SMC3: variants seen among roughly 807,000 people sequenced by gnomAD.
SMC3 encodes structural maintenance of chromosomes protein 3.
SMC3 carries 20 observed loss-of-function variants against 171.8 expected under a neutral mutation model. The observed-to-expected ratio is 0.12, with a 90% CI of 0.08 to 0.17. The LOEUF (loss-of-function observed/expected upper bound fraction) is 0.17, where lower values mean the gene tolerates loss of function less well. Among genes scored for constraint, SMC3 ranks in the 10% least tolerant of loss-of-function variants. The pLI, the probability that SMC3 is intolerant of heterozygous loss-of-function variation, is 1.00. For missense variants in SMC3, 543 were observed against 1,420.4 expected (o/e 0.38, Z 9.93); for synonymous variants, 464 against 451.1 (o/e 1.03, Z -0.36).
rs1255386055 is a variant in SMC3, at chr10:110,604,580, A to G, written c.*278A>G. On this transcript the variant is annotated 3_prime_UTR_variant, in exon 29 of 29. Transcript: ENST00000361804. ...CTAAATATTCTTTCCTAATTATTTT[A>G]TCACTTATACTACCTTTTTTATAGC... is the stretch of plus-strand genomic sequence containing the variant. 2.6e-6 allele frequency: 1 copy of G among 378,964 alleles called. No homozygotes were observed. The highest frequency in any genetic ancestry group is 4.9e-6 in the Non-Finnish European group (1 of 205,124). The allele number at this position is 378,964 out of a possible 1,614,324, so 23.5% of individuals were successfully genotyped here.
intron 22 of SMC3, 77 bp downstream of exon 22, chr10:110,600,623 C>A: frequency 2.5e-6 from 2 of 800,244 alleles, no homozygotes; most frequent in Non-Finnish European, 4.4e-6. Flanking sequence ...ATATCAGAGG[C>A]TCTGATTGAA....
chr10:110,598,659 C>A (rs1861338106), intron 20 of SMC3, among the ~76,000 whole-genome samples: 1 of 152,074 alleles, frequency 6.6e-6, no homozygotes, highest in African/African-American at 2.4e-5. Flanking sequence ...ACCTGCCTTG[C>A]CCTCCCGAAG....
intron 17 of SMC3, among the ~76,000 whole-genome samples, chr10:110,592,468 C>A (rs551951728): frequency 1.1e-4 from 17 of 152,122 alleles, no homozygotes; most frequent in Non-Finnish European, 2.1e-4. Flanking sequence ...GAATACTTAA[C>A]TACATTTTTC....
At chr10:110,591,699 A>G (rs751463924) in intron 17 of SMC3, among the ~76,000 whole-genome samples, 8 of 152,200 alleles carry the variant, frequency 5.3e-5, no homozygotes, top group Non-Finnish European at 1.2e-4. Flanking sequence ...AATTGCTTTG[A>G]GGTACTTGAC....
chr10:110,594,801 T>G (rs1861271325), intron 18 of SMC3, among the ~76,000 whole-genome samples: 1 of 151,910 alleles, frequency 6.6e-6, no homozygotes, highest in Non-Finnish European at 1.5e-5. Flanking sequence ...TCATGTCATC[T>G]CTAAAATTTA....
At chr10:110,587,032 A>T (rs1412290524) in intron 13 of SMC3, among the ~76,000 whole-genome samples, 2 of 152,178 alleles carry the variant, frequency 1.3e-5, no homozygotes, top group African/African-American at 4.8e-5. Context: ...GCAGTATGAA[A>T]AATAAAATGT....
chr10:110,578,229 A>G (rs1860981936), intron 6 of SMC3, among the ~76,000 whole-genome samples: 1 of 151,668 alleles, frequency 6.6e-6, no homozygotes, highest in Non-Finnish European at 1.5e-5. Flanking sequence ...AGTCACCACC[A>G]CACCCGGCTA....
chr10:110,575,232 T>G, intron 3 of SMC3, 104 bp from the exon 4 acceptor site: 1 of 810,926 alleles, frequency 1.2e-6, no homozygotes, highest in Non-Finnish European at 2.1e-6. Flanking sequence ...TTTATTTGCA[T>G]TGTCTATTAC....
chr10:110,589,531 A>G (rs1861176019), intron 13 of SMC3, 74 bp from the exon 14 acceptor site: 1 of 982,344 alleles, frequency 1.0e-6, no homozygotes, highest in African/African-American at 1.6e-5. Flanking sequence ...TCCATCTGCA[A>G]CCACTGATCT....
chr10:110,573,370 A>G (rs112286055), intron 2 of SMC3, among the ~76,000 whole-genome samples: 4 of 152,228 alleles, frequency 2.6e-5, no homozygotes, highest in African/African-American at 9.6e-5. Context: ...TGTTAAACAT[A>G]TATAGTTAAA....
At chr10:110,573,806 T>TA (rs1217599639) in intron 3 of SMC3, 61 bp downstream of exon 3, 1 of 1,095,542 alleles carries the variant, frequency 9.1e-7, no homozygotes, top group African/African-American at 1.6e-5. Context: ...GGTAGATTAT[T>TA]AAAATCATTA....
chr10:110,595,788 T>C (rs761249972), intron 18 of SMC3, among the ~76,000 whole-genome samples: 1 of 152,176 alleles, frequency 6.6e-6, no homozygotes, highest in Non-Finnish European at 1.5e-5. Flanking sequence ...GGTATTGTTA[T>C]TTTGATGCTC....
At chr10:110,583,745 G>A in intron 11 of SMC3, 96 bp from the exon 12 acceptor site, 1 of 1,413,380 alleles carries the variant, frequency 7.1e-7, no homozygotes. Flanking sequence ...TTACAGGTGG[G>A]TTTTCTCATG....
chr10:110,595,915 TTC>T (rs1861292086), intron 18 of SMC3, among the ~76,000 whole-genome samples: 3 of 99,116 alleles, frequency 3.0e-5, no homozygotes, highest in African/African-American at 1.2e-4. Flanking sequence ...CAACTGGAGG[TTC>T]TTTTTTTTTT....
At chr10:110,571,679 G>A (rs1860875349) in intron 2 of SMC3, among the ~76,000 whole-genome samples, 1 of 152,146 alleles carries the variant, frequency 6.6e-6, no homozygotes, top group Admixed American at 6.5e-5. Context: ...GGCAGCCAAG[G>A]CCTGGGTTGA....
intron 13 of SMC3, 110 bp downstream of exon 13, chr10:110,584,506 A>G (rs956163234): frequency 3.4e-5 from 25 of 735,126 alleles, no homozygotes; most frequent in African/African-American, 3.6e-5. Flanking sequence ...TGCTCTTAAA[A>G]TATATGACAG....
intron 26 of SMC3, 51 bp downstream of exon 26, chr10:110,602,716 T>C: frequency 6.3e-7 from 1 of 1,582,446 alleles, no homozygotes; most frequent in Non-Finnish European, 8.7e-7. Context: ...ATAATAGAAT[T>C]TATAGTATCT....
At position 110,600,544 on chromosome 10, in the gene SMC3, C is replaced by CAGGT. The variant is rs1262811984; in HGVS notation, c.2534_2535+2dup. 1.4e-6 allele frequency: 2 copies of CAGGT among 1,453,678 alleles called. No homozygotes were observed. The highest frequency in any genetic ancestry group is 1.9e-6 in the Non-Finnish European group (2 of 1,035,724). 90.0% of individuals were successfully genotyped at this position (1,453,678 alleles called of 1,614,324 possible). On this transcript the variant is annotated frameshift_variant and splice_region_variant, in exon 22 of 29. Coordinates refer to ENST00000361804, the MANE Select transcript of SMC3 (RefSeq NM_005445.4). LOFTEE classifies it high-confidence loss of function. ...GAGAAAACGCTTGGACCAAGTAGAA[C>CAGGT]AGGTGTGTATGTGTTTTTTTTTTTT...
intron 3 of SMC3, 133 bp from the exon 4 acceptor site, chr10:110,575,203 G>T: frequency 1.5e-6 from 1 of 687,298 alleles, no homozygotes; most frequent in South Asian, 1.7e-5. Context: ...ATTTCCTTTT[G>T]TCCATATGAA....
Sources: gnomAD v4.1 joint callset for allele counts (sites outside exome capture counted in the v4.1 genomes callset) on GRCh38, gnomAD v4.1.1 for gene constraint, MANE v1.5 for transcripts, NCBI Gene and HGNC (gene_info 2026-07-23, HGNC 2026-07-21) for gene names.